Variants in DLG2 observed in about 807,000 individuals in gnomAD.
DLG2 encodes disks large homolog 2.
A neutral mutation model predicts 132.5 loss-of-function variants in DLG2; 45 were observed. The observed-to-expected ratio is 0.34, with a 90% confidence interval of 0.27 to 0.44. The LOEUF is 0.44. Ranked by LOEUF, DLG2 falls within the 20% of genes least tolerant of loss-of-function variation. The probability of loss-of-function intolerance (pLI) is 1.00; values close to 1 mark genes in which losing one functional copy is unlikely to be tolerated. For synonymous variants in DLG2, 424 were observed against 419.6 expected, an observed-to-expected ratio of 1.01 and a Z score of -0.13; for missense variants, 1,045 against 1,196.9, an observed-to-expected ratio of 0.87 and a Z score of 1.87.
intron 3 of DLG2, among the ~76,000 whole-genome samples, chr11:85,436,837 T>C (rs1203269631): frequency 6.6e-6 from 1 of 152,172 alleles, no homozygotes; most frequent in Non-Finnish European, 1.5e-5. Context: ...TATTCTACTA[T>C]GAAATACATG....
At chr11:84,157,897 C>T (rs1430340430) in intron 9 of DLG2, among the ~76,000 whole-genome samples, 1 of 152,178 alleles carries the variant, frequency 6.6e-6, no homozygotes, top group Non-Finnish European at 1.5e-5. Flanking sequence ...GAGGAGTCGT[C>T]AACTTGTTTA....
intron 3 of DLG2, among the ~76,000 whole-genome samples, chr11:85,491,293 CA>C (rs1346557169): frequency 6.6e-6 from 1 of 152,024 alleles, no homozygotes; most frequent in Non-Finnish European, 1.5e-5. Flanking sequence ...CCATGTGTGA[CA>C]AACCTACAGT....
At chr11:84,409,152 T>C (rs1005908843) in intron 7 of DLG2, among the ~76,000 whole-genome samples, 3 of 152,194 alleles carry the variant, frequency 2.0e-5, no homozygotes, top group African/African-American at 7.2e-5. Context: ...TCCTCTTTTA[T>C]ATCACCATGA....
chr11:85,423,403 G>A (rs2090471154), intron 3 of DLG2, among the ~76,000 whole-genome samples: 2 of 152,196 alleles, frequency 1.3e-5, no homozygotes, highest in South Asian at 4.1e-4. Flanking sequence ...TTTGCTGGTT[G>A]GCCTCCTGCC....
intron 7 of DLG2, among the ~76,000 whole-genome samples, chr11:84,382,411 C>T (rs956786922): frequency 6.6e-6 from 1 of 151,936 alleles, no homozygotes; most frequent in Non-Finnish European, 1.5e-5. Context: ...TTACTTATTG[C>T]TGATGAAAAA....
chr11:83,596,186 T>C (rs1462430879), intron 19 of DLG2, among the ~76,000 whole-genome samples: 2 of 152,214 alleles, frequency 1.3e-5, no homozygotes, highest in Non-Finnish European at 2.9e-5. Flanking sequence ...ATCATCAAAG[T>C]TGGCTTCAAT....
intron 8 of DLG2, 78 bp from the exon 9 acceptor site, chr11:84,163,589 T>C (rs1168519734): frequency 1.6e-6 from 2 of 1,218,116 alleles, no homozygotes; most frequent in African/African-American, 1.6e-5. Flanking sequence ...AAATAATGCT[T>C]GGGGGTGAAA....
At chr11:84,295,526 C>A (rs1195314937) in intron 7 of DLG2, among the ~76,000 whole-genome samples, 1 of 152,124 alleles carries the variant, frequency 6.6e-6, no homozygotes, top group Non-Finnish European at 1.5e-5. Flanking sequence ...GCACCATAAT[C>A]CAGACAATCA....
At chr11:84,830,153 AC>A (rs766810814) in intron 6 of DLG2, among the ~76,000 whole-genome samples, 1 of 151,528 alleles carries the variant, frequency 6.6e-6, no homozygotes, top group Non-Finnish European at 1.5e-5. Context: ...TTTTTTCCTT[AC>A]CCCTTCATTT....
At chr11:85,157,700 T>C (rs1001407977) in intron 4 of DLG2, among the ~76,000 whole-genome samples, 29 of 152,108 alleles carry the variant, frequency 1.9e-4, no homozygotes, top group African/African-American at 6.5e-4. Flanking sequence ...TCTTATCTCC[T>C]GTAGAGAAAG....
At chr11:83,881,524 T>C (rs2066261971) in intron 15 of DLG2, among the ~76,000 whole-genome samples, 1 of 152,226 alleles carries the variant, frequency 6.6e-6, no homozygotes, top group South Asian at 2.1e-4. Flanking sequence ...TTTTACATTT[T>C]TATTTAAGTC....
chr11:85,559,798 ATGG>A (rs1282268947), intron 3 of DLG2, among the ~76,000 whole-genome samples: 1 of 144,494 alleles, frequency 6.9e-6, no homozygotes, highest in African/African-American at 2.5e-5. Context: ...ACACAGATAG[ATGG>A]TGATTAGTTA....
In DLG2 at chr11:83,549,142, C is replaced by T. The variant is rs572075386; in HGVS notation, c.1941-7284G>A. Among the ~76,000 whole-genome samples, 7 of 152,200 alleles carry T rather than the reference C, an allele frequency of 4.6e-5. No homozygotes were observed. In the South Asian group the frequency reaches 1.5e-3, roughly 32 times the overall value. ...TCTGCTTGATTAGAGGAGACCTGGT[C>T]CTCACCTTTCTATGCAGCAAGAGAA... On this transcript the variant is annotated intron_variant, in intron 19 of 27. Coordinates refer to ENST00000376104, the MANE Select transcript of DLG2 (RefSeq NM_001142699.3).
intron 21 of DLG2, among the ~76,000 whole-genome samples, chr11:83,489,804 T>G (rs1448238253): frequency 6.6e-6 from 1 of 151,852 alleles, no homozygotes; most frequent in Non-Finnish European, 1.5e-5. Context: ...TCTGAAACCA[T>G]TTGGTGTGTG....
intron 3 of DLG2, among the ~76,000 whole-genome samples, chr11:85,285,711 G>T (rs901924175): frequency 1.3e-5 from 2 of 151,920 alleles, no homozygotes; most frequent in African/African-American, 4.8e-5. Flanking sequence ...CTAAGTGAAA[G>T]AAGTCAGTCT....
chr11:83,809,344 G>A (rs913508959), intron 17 of DLG2, among the ~76,000 whole-genome samples: 1 of 152,090 alleles, frequency 6.6e-6, no homozygotes, highest in African/African-American at 2.4e-5. Flanking sequence ...GCTATCTTAG[G>A]CTGTGTTGCT....
intron 4 of DLG2, among the ~76,000 whole-genome samples, chr11:85,232,508 A>C (rs560729828): frequency 6.6e-6 from 1 of 152,040 alleles, no homozygotes; most frequent in South Asian, 2.1e-4. Flanking sequence ...TTCCACAAAA[A>C]CAATGTTACC....
chr11:83,480,301 ATCTG>A, intron 22 of DLG2: 2 of 1,222,564 alleles, frequency 1.6e-6, no homozygotes, highest in Non-Finnish European at 2.3e-6. Context: ...AACAACAGAA[ATCTG>A]AAATGACCAC....
intron 3 of DLG2, among the ~76,000 whole-genome samples, chr11:85,440,031 GC>G (rs1326888604): frequency 6.6e-6 from 1 of 152,100 alleles, no homozygotes; most frequent in African/African-American, 2.4e-5. Flanking sequence ...TTACTATATG[GC>G]TTAGGTAGGT....
Sources: gnomAD v4.1 joint callset for allele counts (sites outside exome capture counted in the v4.1 genomes callset) on GRCh38, gnomAD v4.1.1 for gene constraint, MANE v1.5 for transcripts, NCBI Gene and HGNC (gene_info 2026-07-23, HGNC 2026-07-21) for gene names.